NUP107: variants seen among roughly 807,000 people sequenced by gnomAD.
NUP107 encodes the protein nuclear pore complex protein Nup107.
In NUP107, 101 loss-of-function variants were observed where a neutral mutation model predicts 141.0. The ratio of observed to expected loss-of-function variants is 0.72; its 90% CI spans 0.61 to 0.84. The LOEUF is 0.84. NUP107 is among the 40% of genes least tolerant of loss of function. The probability of loss-of-function intolerance (pLI) is 0.00; values close to 1 mark genes in which losing one functional copy is unlikely to be tolerated. For missense variants in NUP107, 941 were observed against 1,102.7 expected (o/e 0.85, Z 2.08); for synonymous variants, 319 against 363.9 (o/e 0.88, Z 1.41).
chr12:68,696,698 A>T, intron 5 of NUP107, 121 bp from the exon 6 acceptor site: 1 of 589,442 alleles, frequency 1.7e-6, no homozygotes, highest in Non-Finnish European at 2.9e-6. Flanking sequence ...GGACAACAAG[A>T]GTGAAACTCC....
At chr12:68,740,683 T>A (rs1878284953) in intron 26 of NUP107, among the ~76,000 whole-genome samples, 1 of 152,042 alleles carries the variant, frequency 6.6e-6, no homozygotes, top group Admixed American at 6.6e-5. Flanking sequence ...TAGCTTGTCC[T>A]GTTTTTTTTT....
At chr12:68,728,308 C>G (rs1337749857) in intron 20 of NUP107, among the ~76,000 whole-genome samples, 4 of 147,688 alleles carry the variant, frequency 2.7e-5, no homozygotes, top group Non-Finnish European at 4.5e-5. Context: ...AAAAAACAAT[C>G]AGGCCAGACG....
chr12:68,726,701 T>C, intron 19 of NUP107, 84 bp downstream of exon 19: 1 of 865,556 alleles, frequency 1.2e-6, no homozygotes, highest in Non-Finnish European at 1.9e-6. Context: ...TTTTTTATTA[T>C]TGTTTTCTAG....
intron 24 of NUP107, among the ~76,000 whole-genome samples, chr12:68,734,339 T>C (rs989049916): frequency 2.0e-5 from 3 of 151,874 alleles, no homozygotes; most frequent in Non-Finnish European, 2.9e-5. Flanking sequence ...GTAATTACAG[T>C]GGGTTAGGTA....
At chr12:68,704,786 A>G (rs779830032) in intron 8 of NUP107, among the ~76,000 whole-genome samples, 8 of 152,088 alleles carry the variant, frequency 5.3e-5, no homozygotes, top group South Asian at 4.1e-4. Context: ...GCAAGTATAT[A>G]TAGTTAAAAA....
chr12:68,695,301 CAAAG>C (rs1328185519), intron 5 of NUP107, among the ~76,000 whole-genome samples: 2 of 152,114 alleles, frequency 1.3e-5, no homozygotes, highest in Non-Finnish European at 2.9e-5. Flanking sequence ...AGCAGAGTCT[CAAAG>C]AAATATTTGT....
intron 8 of NUP107, among the ~76,000 whole-genome samples, chr12:68,707,981 C>T (rs1008459069): frequency 6.6e-6 from 1 of 151,936 alleles, no homozygotes; most frequent in African/African-American, 2.4e-5. Context: ...CTCCCTTCTT[C>T]TTGGGAGGCT....
intron 1 of NUP107, among the ~76,000 whole-genome samples, chr12:68,687,917 T>C (rs1400078805): frequency 1.3e-5 from 2 of 152,196 alleles, no homozygotes; most frequent in African/African-American, 4.8e-5. Context: ...AACCTGCATC[T>C]GTGTGTCTCC....
At chr12:68,731,951 C>T (rs1168441880) in intron 22 of NUP107, among the ~76,000 whole-genome samples, 3 of 152,076 alleles carry the variant, frequency 2.0e-5, no homozygotes, top group Non-Finnish European at 4.4e-5. Flanking sequence ...GCTTGTTGCT[C>T]ATCAGGTTAT....
intron 7 of NUP107, 83 bp downstream of exon 7, chr12:68,700,936 C>A: frequency 7.4e-7 from 1 of 1,352,954 alleles, no homozygotes; most frequent in South Asian, 1.7e-5. Flanking sequence ...TAGGGTAGGT[C>A]GTGCTTGGAA....
Position 68,722,172 on chromosome 12 carries a change from T to A in NUP107, c.1506+20T>A. ...AAAAAGGTAAATGTTAATAGGAATA[T>A]GTTAGGTATCTGGAATAGGAAACAG... is the stretch of plus-strand genomic sequence containing the variant. On this transcript the variant is annotated intron_variant, in intron 17 of 27. Coordinates refer to ENST00000229179, the MANE Select transcript of NUP107 (RefSeq NM_020401.4). 6.2e-7 allele frequency: 1 copy of A among 1,604,550 alleles called. No individual in the cohort carries two copies. The highest frequency in any genetic ancestry group is 8.5e-7 in the Non-Finnish European group (1 of 1,172,890).
chr12:68,696,780 C>A (rs1356323792), intron 5 of NUP107, 39 bp from the exon 6 acceptor site: 14 of 1,164,434 alleles, frequency 1.2e-5, no homozygotes, highest in Non-Finnish European at 1.7e-5. Flanking sequence ...CGTCACTTAA[C>A]TTTTCTTTAT....
chr12:68,687,424 A>G (rs1372057167), intron 1 of NUP107: 3 of 1,087,874 alleles, frequency 2.8e-6, no homozygotes, highest in Admixed American at 4.8e-5. Context: ...CAGTGAAGAT[A>G]CTGGGATCTC....
chr12:68,742,230 C>T lies in NUP107; in HGVS notation c.2671-125C>T, dbSNP rs1004246019. The T allele has an allele frequency of 4.5e-6, 3 of 665,538 alleles. No homozygotes were observed. In the East Asian group the frequency reaches 8.4e-5, roughly 19 times the overall value. The allele number at this position is 665,538 out of a possible 1,614,324, so 41.2% of individuals were successfully genotyped here. A position where few individuals can be genotyped will look rare whatever the true frequency, so the allele number is the denominator to read the frequency against. ...CTGAACCACTCTAATTTACTAGGCT[C>T]TGGCTACATAAATCTTAAAGAGGCA... On this transcript the variant is annotated intron_variant, in intron 27 of 27. Transcript: ENST00000229179.
intron 8 of NUP107, chr12:68,706,114 G>A (rs2136013823): frequency 5.2e-6 from 4 of 768,242 alleles, no homozygotes; most frequent in Middle Eastern, 3.6e-4. Context: ...AGAAGCTGAA[G>A]CTGGAGGTGG....
At chr12:68,688,857 A>G (rs891143850) in intron 1 of NUP107, 105 bp from the exon 2 acceptor site, 5 of 729,736 alleles carry the variant, frequency 6.9e-6, no homozygotes, top group Admixed American at 2.9e-5. Context: ...TAGAATGACT[A>G]TACCTTAACT....
Position 68,725,993 on chromosome 12 carries a change from C to CCTGTAATTA in NUP107, c.1576+197_1576+198insCTGTAATTA, listed in dbSNP as rs538956467. 3.3e-3 allele frequency among the ~76,000 whole-genome samples: 506 copies of CCTGTAATTA among 151,978 alleles called. 3 individuals carry two copies. Among genetic ancestry groups the CCTGTAATTA allele is most frequent in the African/African-American group, 0.011 (464 of 41,462 alleles). ...CTGGGATTACAGGTGTGCACCACTA[C>CCTGTAATTA]GCCTGGCTAATTTTTGTATTTTTAG... On this transcript the variant is annotated intron_variant, in intron 18 of 27. Coordinates refer to ENST00000229179, the MANE Select transcript of NUP107 (RefSeq NM_020401.4).
chr12:68,736,509 T>G (rs1878072759), intron 26 of NUP107, among the ~76,000 whole-genome samples: 1 of 151,964 alleles, frequency 6.6e-6, no homozygotes, highest in Non-Finnish European at 1.5e-5. Flanking sequence ...CTCAAACTTC[T>G]GGGCTCAAGC....
chr12:68,711,404 A>G (rs1299321269), intron 10 of NUP107, among the ~76,000 whole-genome samples: 3 of 151,804 alleles, frequency 2.0e-5, no homozygotes, highest in Admixed American at 6.6e-5. Flanking sequence ...GATTGTTTTT[A>G]AAGTAGGAGA....
Sources: gnomAD v4.1 joint callset for allele counts (sites outside exome capture counted in the v4.1 genomes callset) on GRCh38, gnomAD v4.1.1 for gene constraint, MANE v1.5 for transcripts, NCBI Gene and HGNC (gene_info 2026-07-23, HGNC 2026-07-21) for gene names.